The following LINC00305 variants were observed in gnomAD, a reference collection of about 807,000 sequenced individuals.
The protein encoded by LINC00305 is long intergenic non-protein coding RNA 305.
chr18:64,123,873 C>G, intron 1 of LINC00305, among the ~76,000 whole-genome samples: 1 of 151,980 alleles, frequency 6.6e-6, no homozygotes, highest in Admixed American at 6.6e-5. Context: ...TGAGAGCTGG[C>G]TGTTAAAAAG....
chr18:64,082,675 T>A (rs1443912698), intron 3 of LINC00305, among the ~76,000 whole-genome samples: 1 of 152,184 alleles, frequency 6.6e-6, no homozygotes, highest in African/African-American at 2.4e-5. Flanking sequence ...CTCTTTCCAG[T>A]CTTGTTCCCT....
chr18:64,110,685 AT>A (rs994885658), intron 1 of LINC00305, among the ~76,000 whole-genome samples: 18 of 151,422 alleles, frequency 1.2e-4, no homozygotes, highest in African/African-American at 1.7e-4. Context: ...ATTTTAGATA[AT>A]TTTTTTTTGC....
At chr18:64,114,717 T>C (rs1004600444) in intron 1 of LINC00305, among the ~76,000 whole-genome samples, 1 of 152,068 alleles carries the variant, frequency 6.6e-6, no homozygotes, top group Admixed American at 6.5e-5. Flanking sequence ...CCCAGCTAAT[T>C]TTTGTATTTT....
intron 1 of LINC00305, among the ~76,000 whole-genome samples, chr18:64,129,043 A>T (rs1167426553): frequency 1.3e-5 from 2 of 152,142 alleles, no homozygotes; most frequent in Non-Finnish European, 2.9e-5. Flanking sequence ...GTCTATTATG[A>T]GTCCATTTTC....
intron 1 of LINC00305, among the ~76,000 whole-genome samples, chr18:64,110,374 T>G (rs372067016): frequency 2.0e-5 from 3 of 152,326 alleles, no homozygotes; most frequent in East Asian, 3.9e-4. Flanking sequence ...TATTGCACAT[T>G]CAGTTCAGCT....
chr18:64,113,060 CAG>C (rs2051322074), intron 1 of LINC00305, among the ~76,000 whole-genome samples: 1 of 152,172 alleles, frequency 6.6e-6, no homozygotes, highest in African/African-American at 2.4e-5. Context: ...GAGTATATTG[CAG>C]AGTTTGCATT....
intron 1 of LINC00305, among the ~76,000 whole-genome samples, chr18:64,146,724 A>G (rs1223848344): frequency 6.6e-6 from 1 of 152,194 alleles, no homozygotes; most frequent in Non-Finnish European, 1.5e-5. Context: ...GACACTAGAA[A>G]GTAGAATGCT....
chr18:64,133,769 C>G (rs1014844652), intron 1 of LINC00305, among the ~76,000 whole-genome samples: 8 of 152,114 alleles, frequency 5.3e-5, no homozygotes, highest in African/African-American at 1.7e-4. Flanking sequence ...CCTGATTTTC[C>G]CATTTCATAG....
At chr18:64,086,804 G>A (rs961704896) in intron 3 of LINC00305, among the ~76,000 whole-genome samples, 1 of 152,198 alleles carries the variant, frequency 6.6e-6, no homozygotes, top group Non-Finnish European at 1.5e-5. Context: ...TGCAGCAAAC[G>A]AGAGGTGACT....
chr18:64,098,568 G>A (rs1275304060), intron 2 of LINC00305: 3 of 444,740 alleles, frequency 6.7e-6, no homozygotes, highest in Non-Finnish European at 1.3e-5. Flanking sequence ...ATTTGAAATG[G>A]TTACTCACCA....
chr18:64,141,205 A>T (rs1334264703), intron 1 of LINC00305, among the ~76,000 whole-genome samples: 1 of 152,112 alleles, frequency 6.6e-6, no homozygotes, highest in African/African-American at 2.4e-5. Flanking sequence ...TGAGATAATA[A>T]GTTTATGTTG....
At chr18:64,119,476 A>G (rs2051352318) in intron 1 of LINC00305, among the ~76,000 whole-genome samples, 1 of 152,134 alleles carries the variant, frequency 6.6e-6, no homozygotes, top group South Asian at 2.1e-4. Flanking sequence ...ATTGAGTTTC[A>G]CTAGGCTTAA....
At chr18:64,118,891 G>A (rs2144257024) in intron 1 of LINC00305, among the ~76,000 whole-genome samples, 1 of 149,924 alleles carries the variant, frequency 6.7e-6, no homozygotes, top group Non-Finnish European at 1.5e-5. Flanking sequence ...TTTGTCCATA[G>A]GATTACACTT....
intron 1 of LINC00305, among the ~76,000 whole-genome samples, chr18:64,109,818 C>T (rs1432641856): frequency 6.6e-6 from 1 of 152,218 alleles, no homozygotes; most frequent in East Asian, 1.9e-4. Context: ...ATGTGCACCA[C>T]CTTCAGGCTA....
At chr18:64,106,039 G>C (rs2051289169) in intron 1 of LINC00305, among the ~76,000 whole-genome samples, 1 of 152,238 alleles carries the variant, frequency 6.6e-6, no homozygotes, top group Admixed American at 6.5e-5. Context: ...TTAAGGGAAG[G>C]AAGGGAATAC....
chr18:64,097,737 CA>C (rs1183617958), intron 3 of LINC00305: 2 of 377,742 alleles, frequency 5.3e-6, no homozygotes, highest in East Asian at 1.4e-4. Flanking sequence ...AATATTATTT[CA>C]AGTCCTCATA....
chr18:64,106,675 G>T (rs181799352), intron 1 of LINC00305, among the ~76,000 whole-genome samples: 50 of 152,138 alleles, frequency 3.3e-4, no homozygotes, highest in Non-Finnish European at 6.0e-4. Flanking sequence ...GGCATCCCAC[G>T]TGTGTGTCTC....
chr18:64,125,671 TCCTCAATC>T (rs1266133949), intron 1 of LINC00305, among the ~76,000 whole-genome samples: 1 of 152,056 alleles, frequency 6.6e-6, no homozygotes, highest in African/African-American at 2.4e-5. Context: ...TATCCTCCTT[TCCTCAATC>T]CTTTTACAGT....
At chr18:64,125,561 T>C (rs1487516288) in intron 1 of LINC00305, among the ~76,000 whole-genome samples, 3 of 152,046 alleles carry the variant, frequency 2.0e-5, no homozygotes, top group Non-Finnish European at 4.4e-5. Flanking sequence ...ATGTCGCAAT[T>C]TTTTTTTACT....
Sources: allele counts gnomAD v4.1 joint callset (sites outside exome capture counted in the v4.1 genomes callset), GRCh38; gene constraint gnomAD v4.1.1; transcripts MANE v1.5; gene names NCBI Gene and HGNC (gene_info 2026-07-23, HGNC 2026-07-21).